The following PCDH7 variants were observed in gnomAD, a reference collection of about 807,000 sequenced individuals.
PCDH7 encodes the protein protocadherin-7.
Under a neutral mutation model 58.9 loss-of-function variants are expected in PCDH7, and 17 were observed. The observed-to-expected ratio is 0.29, with a 90% CI of 0.20 to 0.43. The LOEUF is 0.43. Ranked by LOEUF, PCDH7 falls within the 20% of genes least tolerant of loss-of-function variation. The probability of loss-of-function intolerance (pLI) is 1.00; values close to 1 mark genes in which losing one functional copy is unlikely to be tolerated. For synonymous variants in PCDH7, 664 were observed against 616.4 expected, an observed-to-expected ratio of 1.08 and a Z score of -1.14; for missense variants, 1,274 against 1,441.0, an observed-to-expected ratio of 0.88 and a Z score of 1.88.
chr4:30,736,535 A>ATTTTTTTTTTTTTTTTTTTTTTTTTTTAT (rs35719962), downstream of PCDH7, among the ~76,000 whole-genome samples: 1 of 134,576 alleles, frequency 7.4e-6, no homozygotes, highest in Non-Finnish European at 1.6e-5. Flanking sequence ...ATTTTCATTT[A>ATTTTTTTTTTTTTTTTTTTTTTTTTTTAT]TTTTTTTTTT....
intron 1 of PCDH7, chr4:30,725,170 A>G (rs1714434190): frequency 1.0e-6 from 1 of 999,728 alleles, no homozygotes; most frequent in African/African-American, 1.7e-5. Flanking sequence ...AAAAATATTT[A>G]CTGATATGCA....
chr4:31,063,888 C>T (rs1458298355), intron 3 of PCDH7, among the ~76,000 whole-genome samples: 1 of 151,876 alleles, frequency 6.6e-6, no homozygotes. Flanking sequence ...GAAACTGAGA[C>T]AGGCTTAGAA....
At chr4:30,998,712 C>T (rs1398265826) in intron 3 of PCDH7, among the ~76,000 whole-genome samples, 1 of 151,890 alleles carries the variant, frequency 6.6e-6, no homozygotes, top group Non-Finnish European at 1.5e-5. Context: ...AGAGCAGAAC[C>T]CTCAGAATTG....
chr4:31,031,648 A>C (rs1430737136), intron 3 of PCDH7, among the ~76,000 whole-genome samples: 5 of 148,456 alleles, frequency 3.4e-5, no homozygotes, highest in Non-Finnish European at 7.6e-5. Context: ...TGCAAATTAA[A>C]AGAAAAAAAC....
chr4:30,842,481 T>A (rs1404357057), intron 1 of PCDH7, among the ~76,000 whole-genome samples: 1 of 152,184 alleles, frequency 6.6e-6, no homozygotes, highest in Non-Finnish European at 1.5e-5. Context: ...TTTTAAGTGC[T>A]TATAGTGGAA....
intron 1 of PCDH7, among the ~76,000 whole-genome samples, chr4:30,846,171 A>G (rs1731921767): frequency 6.6e-6 from 1 of 152,088 alleles, no homozygotes; most frequent in Non-Finnish European, 1.5e-5. Flanking sequence ...GATATTTTGG[A>G]TCAGACAATT....
At chr4:30,840,104 C>A (rs1424145886) in intron 1 of PCDH7, among the ~76,000 whole-genome samples, 1 of 151,088 alleles carries the variant, frequency 6.6e-6, no homozygotes, top group Admixed American at 6.6e-5. Flanking sequence ...AATATTTGCA[C>A]CACTGAAATG....
At chr4:30,913,937 A>G (rs1742084817) in intron 1 of PCDH7, among the ~76,000 whole-genome samples, 1 of 152,176 alleles carries the variant, frequency 6.6e-6, no homozygotes, top group South Asian at 2.1e-4. Context: ...TGTCCTTTTA[A>G]GTCTCTGAGA....
chr4:31,058,177 CA>C lies in PCDH7; in HGVS notation c.*8-84294del, dbSNP rs1219927463. On this transcript the variant is annotated intron_variant, in intron 3 of 3. Transcript: ENST00000509759. ...TTAAAGTAAAATAAAATAAATCCCT[CA>C]ACAAACAACACACACACGCAACAAA... 2.0e-5 allele frequency among the ~76,000 whole-genome samples: 3 copies of C among 149,276 alleles called. No homozygotes were observed. In the East Asian group the frequency reaches 6.3e-4, roughly 31 times the overall value.
intron 1 of PCDH7, among the ~76,000 whole-genome samples, chr4:30,825,782 ATT>A (rs34840742): frequency 6.6e-6 from 1 of 151,904 alleles, no homozygotes; most frequent in Non-Finnish European, 1.5e-5. Context: ...TTGTATGGCT[ATT>A]TTTTTTACTG....
intron 3 of PCDH7, among the ~76,000 whole-genome samples, chr4:31,134,739 C>T (rs1719391147): frequency 6.6e-6 from 1 of 152,286 alleles, no homozygotes; most frequent in South Asian, 2.1e-4. Context: ...TGACTGCATT[C>T]ACCTGGAGAA....
chr4:30,778,037 A>G (rs537523409), intron 1 of PCDH7, among the ~76,000 whole-genome samples: 5 of 152,106 alleles, frequency 3.3e-5, no homozygotes, highest in Non-Finnish European at 7.4e-5. Flanking sequence ...TGACTTTTTC[A>G]TTGCATTAGT....
chr4:31,066,958 C>A (rs1018506759), intron 3 of PCDH7, among the ~76,000 whole-genome samples: 6 of 151,850 alleles, frequency 4.0e-5, no homozygotes, highest in African/African-American at 1.5e-4. Flanking sequence ...AAGCCATCCC[C>A]AGGGATAGTG....
chr4:31,091,659 T>G (rs973208500), intron 3 of PCDH7, among the ~76,000 whole-genome samples: 2 of 151,908 alleles, frequency 1.3e-5, no homozygotes, highest in African/African-American at 4.8e-5. Flanking sequence ...AAAAAGAATT[T>G]TATATCCTAG....
intron 1 of PCDH7, among the ~76,000 whole-genome samples, chr4:30,840,064 CTGTT>C (rs575109551): frequency 2.2e-4 from 33 of 150,744 alleles, no homozygotes; most frequent in East Asian, 9.8e-4. Context: ...GGTTTTGTAA[CTGTT>C]TGGAGGAGTA....
At chr4:30,892,743 G>C (rs938769180) in intron 1 of PCDH7, among the ~76,000 whole-genome samples, 5 of 151,912 alleles carry the variant, frequency 3.3e-5, no homozygotes, top group Non-Finnish European at 7.4e-5. Flanking sequence ...CTTATTTTGG[G>C]GTATTGAATG....
At chr4:30,734,586 A>G (rs965637500), downstream of PCDH7, among the ~76,000 whole-genome samples, 2 of 152,178 alleles carry the variant, frequency 1.3e-5, no homozygotes, top group Non-Finnish European at 2.9e-5. Flanking sequence ...TGAAGATACA[A>G]CAACAACTAG....
intron 3 of PCDH7, among the ~76,000 whole-genome samples, chr4:31,102,628 A>T (rs1344120444): frequency 6.6e-6 from 1 of 151,586 alleles, no homozygotes; most frequent in Non-Finnish European, 1.5e-5. Context: ...AGCCAAGATC[A>T]TGCCACTGCA....
intron 3 of PCDH7, among the ~76,000 whole-genome samples, chr4:30,954,733 G>T (rs1298932235): frequency 6.6e-6 from 1 of 152,104 alleles, no homozygotes; most frequent in Non-Finnish European, 1.5e-5. Context: ...TAAAATGGGG[G>T]ATTTGGACTA....
Sources: gnomAD v4.1 joint callset for allele counts (sites outside exome capture counted in the v4.1 genomes callset) on GRCh38, gnomAD v4.1.1 for gene constraint, MANE v1.5 for transcripts, NCBI Gene and HGNC (gene_info 2026-07-23, HGNC 2026-07-21) for gene names.